Variants in PCLO observed in about 807,000 individuals in gnomAD.
The protein encoded by PCLO is protein piccolo.
PCLO carries 82 observed loss-of-function variants against 427.5 expected under a neutral mutation model. The observed-to-expected ratio is 0.19, with a 90% CI of 0.16 to 0.23. The LOEUF (loss-of-function observed/expected upper bound fraction) is 0.23. Among genes scored for constraint, PCLO ranks in the 10% least tolerant of loss-of-function variants. The pLI, the probability that PCLO is intolerant of heterozygous loss-of-function variation, is 1.00. For missense variants in PCLO, 6,239 were observed against 6,115.9 expected (o/e 1.02, Z -0.67); for synonymous variants, 2,357 against 2,155.4 (o/e 1.09, Z -2.59).
chr7:82,972,849 A>C (rs2115713428), intron 3 of PCLO, among the ~76,000 whole-genome samples: 1 of 152,256 alleles, frequency 6.6e-6, no homozygotes, highest in Non-Finnish European at 1.5e-5. Context: ...TAATTACAGT[A>C]ATAAACTGCT....
chr7:83,069,763 T>C (rs1195788681), intron 3 of PCLO, among the ~76,000 whole-genome samples: 1 of 144,986 alleles, frequency 6.9e-6, no homozygotes, highest in Non-Finnish European at 1.5e-5. Flanking sequence ...CAACATACTC[T>C]AAAGATTCTC....
At chr7:82,989,880 A>G (rs1796339137) in intron 3 of PCLO, among the ~76,000 whole-genome samples, 1 of 152,160 alleles carries the variant, frequency 6.6e-6, no homozygotes, top group Admixed American at 6.6e-5. Context: ...TTCTTTCCCC[A>G]AACCTCAAAC....
At chr7:82,890,494 CT>C (rs1793732229) in intron 9 of PCLO, among the ~76,000 whole-genome samples, 2 of 151,656 alleles carry the variant, frequency 1.3e-5, no homozygotes, top group South Asian at 2.1e-4. Context: ...TACATATCTT[CT>C]TTTTTATAGT....
At chr7:83,145,357 T>C (rs1791967599) in intron 2 of PCLO, among the ~76,000 whole-genome samples, 1 of 152,118 alleles carries the variant, frequency 6.6e-6, no homozygotes, top group African/African-American at 2.4e-5. Flanking sequence ...ATTCTGAAAA[T>C]ATCCCTGCCA....
rs745824155 is a variant in PCLO at position 83,093,472 on chromosome 7, G to GTGTGTGTGTGTATATATA, written c.3300+40777_3300+40778insTATATATACACACACACA. Among the ~76,000 whole-genome samples the GTGTGTGTGTGTATATATA allele has an allele frequency of 7.3e-4, 72 of 99,132 alleles. 2 individuals are homozygous for GTGTGTGTGTGTATATATA. The highest frequency in any genetic ancestry group is 9.7e-4 in the Non-Finnish European group (52 of 53,716). The allele number at this position is 99,132 out of a possible 152,430, so 65.0% of individuals were successfully genotyped here. A position where few individuals can be genotyped will look rare whatever the true frequency, so the allele number is the denominator to read the frequency against. ...ACCACAAACATATATATGTGTGTGT[G>GTGTGTGTGTGTATATATA]TATAGATATATATATATATATTTTT... On this transcript the variant is annotated intron_variant, in intron 3 of 24. Transcript: ENST00000333891.
rs1352291844 is a variant in PCLO at position 82,953,404 on chromosome 7, G to T, written c.7549C>A (p.Pro2517Thr). ...KPPIAPKPVIPQLPTTTQKPT... is the reference protein window; with the variant it reads ...KPPIAPKPVITQLPTTTQKPT... Reference sequence around the variant, plus strand: ...TTTTGTGTAGTTGTTGGAAGCTGAGGAATCACTGGTTTGGGGGCGATTGGA... The same window carrying T: ...TTTTGTGTAGTTGTTGGAAGCTGAGTAATCACTGGTTTGGGGGCGATTGGA... The change falls in exon 5 of 25, where the codon CCT (proline) becomes ACT (threonine). Residue 2517 changes from proline to threonine, a missense_variant. This residue lies in a region of PCLO where 4,677 missense variants were observed against 4,468.4 expected (regional missense o/e 1.05). Transcript: ENST00000333891. The T allele has an allele frequency of 6.2e-7, 1 of 1,613,690 alleles. No homozygotes were observed. The highest frequency in any genetic ancestry group is 8.5e-7 in the Non-Finnish European group (1 of 1,179,830).
chr7:82,993,392 C>A (rs1796422352), intron 3 of PCLO, among the ~76,000 whole-genome samples: 1 of 151,888 alleles, frequency 6.6e-6, no homozygotes, highest in South Asian at 2.1e-4. Context: ...GTTTCATAAT[C>A]AGGAGCAGAT....
In PCLO at chr7:83,162,516, G is replaced by C. The variant is rs760270524; in HGVS notation, c.77C>G (p.Ala26Gly). Residue 26 changes from alanine to glycine, a missense_variant, in exon 1 of 25, where the codon GCT becomes GGT. By Grantham distance (60) the Ala-to-Gly change is moderately conservative. Around this residue, in one of 5 missense-constraint regions of PCLO, gnomAD observed 4,677 missense variants for 4,468.4 expected, o/e 1.05. Coordinates refer to ENST00000333891, the MANE Select transcript of PCLO (RefSeq NM_033026.6). ...LAAAAAAGGG[A>G]SGAGSPSHTA... ...GTGAGAGGGGCTCCCCGCCCCGCTAGCTCCTCCTCCAGCCGCTGCGGCCGC... is the reference window on the plus strand; with the variant it reads ...GTGAGAGGGGCTCCCCGCCCCGCTACCTCCTCCTCCAGCCGCTGCGGCCGC... 14 of 1,560,778 alleles carry C rather than the reference G, an allele frequency of 9.0e-6. No individual in the cohort carries two copies. Among genetic ancestry groups the C allele is most frequent in the Non-Finnish European group, 1.1e-5 (13 of 1,153,560 alleles).
chr7:82,766,920 T>C (rs1790543248), intron 22 of PCLO, among the ~76,000 whole-genome samples: 1 of 152,174 alleles, frequency 6.6e-6, no homozygotes, highest in African/African-American at 2.4e-5. Context: ...TGTTCTTTGC[T>C]ACTAAAGGAA....
chr7:83,015,211 T>C (rs1220124650), intron 3 of PCLO, among the ~76,000 whole-genome samples: 1 of 152,182 alleles, frequency 6.6e-6, no homozygotes, highest in Non-Finnish European at 1.5e-5. Flanking sequence ...ATATTTATAA[T>C]TTATACAAAA....
intron 14 of PCLO, 34 bp downstream of exon 14, chr7:82,841,423 GGT>G (rs747365353): frequency 7.4e-7 from 1 of 1,347,080 alleles, no homozygotes; most frequent in East Asian, 2.3e-5. Context: ...AACCAAAAAA[GGT>G]TATATAATGG....
intron 22 of PCLO, among the ~76,000 whole-genome samples, chr7:82,776,756 C>T (rs1790759418): frequency 6.6e-6 from 1 of 152,142 alleles, no homozygotes; most frequent in Admixed American, 6.5e-5. Flanking sequence ...GATCGTGCCA[C>T]TGTACTCTAG....
intron 3 of PCLO, among the ~76,000 whole-genome samples, chr7:83,030,309 C>T (rs1788634192): frequency 6.6e-6 from 1 of 152,066 alleles, no homozygotes; most frequent in Non-Finnish European, 1.5e-5. Flanking sequence ...AAAAACTCTA[C>T]AGGGGATATC....
In PCLO at chr7:82,949,656, T is replaced by G; in HGVS notation, c.10932A>C (p.Glu3644Asp). ...GACTTATATCATCAGGGAGGGGTTTTTCATAAGGTACAAAGGCTGATTCTA... is the reference window on the plus strand; with the variant it reads ...GACTTATATCATCAGGGAGGGGTTTGTCATAAGGTACAAAGGCTGATTCTA... ...KALESAFVPY[E>D]KPLPDDISPQ... is the part of the protein sequence containing the mutation. The change falls in exon 6 of 25, where the codon GAA (glutamate) becomes GAC (aspartate). Residue 3644 changes from glutamate (E) to aspartate (D), a missense_variant. Physicochemically the swap from Glu to Asp is conservative, Grantham distance 45. Coordinates refer to ENST00000333891, the MANE Select transcript of PCLO (RefSeq NM_033026.6). The G allele has an allele frequency of 6.2e-7, 1 of 1,613,854 alleles. No homozygotes were observed. Among genetic ancestry groups the G allele is most frequent in the African/African-American group, 1.3e-5 (1 of 74,998 alleles).
At chr7:83,022,222 CCT>C (rs1229050668) in intron 3 of PCLO, among the ~76,000 whole-genome samples, 1 of 152,136 alleles carries the variant, frequency 6.6e-6, no homozygotes, top group Admixed American at 6.5e-5. Context: ...TGGATGCACA[CCT>C]GACACCAAGT....
chr7:83,153,685 C>T (rs987310651), intron 2 of PCLO, among the ~76,000 whole-genome samples: 1 of 152,232 alleles, frequency 6.6e-6, no homozygotes, highest in South Asian at 2.1e-4. Flanking sequence ...AGATCTCTTA[C>T]AAAAATGAAT....
intron 6 of PCLO, among the ~76,000 whole-genome samples, chr7:82,925,713 CTTTTTTTTT>C (rs34017885): frequency 2.5e-5 from 2 of 78,986 alleles, no homozygotes; most frequent in Non-Finnish European, 4.7e-5. Context: ...ATTTTTGTTG[CTTTTTTTTT>C]TTTTTTTTTT....
At chr7:82,810,555 T>C (rs921419714) in intron 20 of PCLO, among the ~76,000 whole-genome samples, 4 of 151,698 alleles carry the variant, frequency 2.6e-5, no homozygotes, top group African/African-American at 7.2e-5. Flanking sequence ...TCTTAGAACG[T>C]TGAATCATTT....
chr7:82,998,193 G>A (rs1428066828), intron 3 of PCLO, among the ~76,000 whole-genome samples: 2 of 151,926 alleles, frequency 1.3e-5, no homozygotes, highest in African/African-American at 4.8e-5. Context: ...GGACAAGCCT[G>A]AGAGTTTGAA....
Sources: gnomAD v4.1 joint callset for allele counts (sites outside exome capture counted in the v4.1 genomes callset) on GRCh38, gnomAD v4.1.1 for gene constraint, gnomAD v4.1.1 regional missense constraint, MANE v1.5 for transcripts, NCBI Gene and HGNC (gene_info 2026-07-23, HGNC 2026-07-21) for gene names.